Variants in JMJD1C observed in about 807,000 individuals in gnomAD.
JMJD1C encodes jumonji domain containing 1C.
In JMJD1C, 31 loss-of-function variants were observed where a neutral mutation model predicts 245.3. That is an observed-to-expected ratio of 0.13 (90% CI 0.09 to 0.17). The LOEUF (loss-of-function observed/expected upper bound fraction) is 0.17, where lower values mean the gene tolerates loss of function less well. JMJD1C is among the 10% of genes least tolerant of loss of function. The probability of loss-of-function intolerance (pLI) is 1.00; values close to 1 mark genes in which losing one functional copy is unlikely to be tolerated. For missense variants in JMJD1C, 2,691 were observed against 3,000.2 expected, an observed-to-expected ratio of 0.90 and a Z score of 2.41; for synonymous variants, 1,057 against 1,017.4, an observed-to-expected ratio of 1.04 and a Z score of -0.74.
At chr10:63,182,011 G>C (rs1843550243) in intron 22 of JMJD1C, among the ~76,000 whole-genome samples, 1 of 152,178 alleles carries the variant, frequency 6.6e-6, no homozygotes, top group Non-Finnish European at 1.5e-5. Context: ...ATGTAAAAAT[G>C]AGTTTCTACA....
chr10:63,418,655 A>G (rs1273379098), intron 1 of JMJD1C, among the ~76,000 whole-genome samples: 2 of 152,230 alleles, frequency 1.3e-5, no homozygotes, highest in Non-Finnish European at 2.9e-5. Context: ...GAGAAATACT[A>G]AAAATAAATT....
At chr10:63,285,041 A>G (rs1857832271) in intron 2 of JMJD1C, among the ~76,000 whole-genome samples, 1 of 152,208 alleles carries the variant, frequency 6.6e-6, no homozygotes, top group East Asian at 1.9e-4. Context: ...CCACGCAGAC[A>G]TGGAAATAAA....
chr10:63,180,480 G>A (rs76589845), intron 22 of JMJD1C, among the ~76,000 whole-genome samples: 1,793 of 152,322 alleles, frequency 0.012, 19 homozygotes, highest in East Asian at 0.041. Context: ...AGGGTACAGA[G>A]ACAGGTTAAG....
chr10:63,193,543 A>T, intron 14 of JMJD1C, 71 bp from the exon 15 acceptor site: 1 of 1,043,470 alleles, frequency 9.6e-7, no homozygotes, highest in Non-Finnish European at 1.4e-6. Context: ...TTTTTCTTAC[A>T]ATATTTTGTA....
At chr10:63,283,413 C>T (rs1050786360) in intron 2 of JMJD1C, among the ~76,000 whole-genome samples, 1 of 147,932 alleles carries the variant, frequency 6.8e-6, no homozygotes, top group African/African-American at 2.5e-5. Flanking sequence ...GTTACCCAGG[C>T]TGGAGTGCAA....
chr10:63,340,307 CA>C (rs1260144422), intron 2 of JMJD1C, among the ~76,000 whole-genome samples: 4 of 152,360 alleles, frequency 2.6e-5, no homozygotes, highest in Non-Finnish European at 5.9e-5. Context: ...TTACCCCACA[CA>C]TGTGTGCACA....
intron 2 of JMJD1C, among the ~76,000 whole-genome samples, chr10:63,320,273 T>C (rs565473924): frequency 6.6e-6 from 1 of 152,320 alleles, no homozygotes; most frequent in East Asian, 1.9e-4. Context: ...TTTCATATTA[T>C]CTTCCTCTAA....
At chr10:63,348,871 C>G (rs148207615) in intron 2 of JMJD1C, among the ~76,000 whole-genome samples, 251 of 152,044 alleles carry the variant, frequency 1.7e-3, no homozygotes, top group Non-Finnish European at 2.9e-3. Flanking sequence ...GAGGCCAAGG[C>G]GGGTGGATCA....
intron 3 of JMJD1C, among the ~76,000 whole-genome samples, chr10:63,224,107 T>A (rs1479830655): frequency 6.6e-6 from 1 of 152,152 alleles, no homozygotes; most frequent in Non-Finnish European, 1.5e-5. Flanking sequence ...CATTAAACAA[T>A]ATACAAATAT....
At chr10:63,285,465 C>T (rs571011680) in intron 2 of JMJD1C, among the ~76,000 whole-genome samples, 2 of 152,262 alleles carry the variant, frequency 1.3e-5, no homozygotes, top group Non-Finnish European at 2.9e-5. Flanking sequence ...TGCCGCAGAT[C>T]CCAAATCAGA....
chr10:63,355,187 C>T (rs912684360), intron 2 of JMJD1C, among the ~76,000 whole-genome samples: 4 of 151,862 alleles, frequency 2.6e-5, no homozygotes, highest in Admixed American at 2.6e-4. Context: ...GAAATAATCA[C>T]AGATTCATAA....
intron 16 of JMJD1C, 37 bp downstream of exon 16, chr10:63,192,901 T>TCC (rs1253899807): frequency 4.2e-6 from 6 of 1,432,538 alleles, no homozygotes; most frequent in Non-Finnish European, 5.9e-6. Context: ...TATACTATAC[T>TCC]CCTCTCACAC....
chr10:63,216,535 C>T (rs540585992), intron 5 of JMJD1C, among the ~76,000 whole-genome samples: 2 of 151,938 alleles, frequency 1.3e-5, no homozygotes, highest in South Asian at 2.1e-4. Flanking sequence ...ATGGCGAAAC[C>T]CCGTATCTAC....
chr10:63,290,925 T>A (rs1858599594), intron 2 of JMJD1C, among the ~76,000 whole-genome samples: 1 of 152,202 alleles, frequency 6.6e-6, no homozygotes, highest in South Asian at 2.1e-4. Context: ...ATTAAGTATA[T>A]TAGTTGTTTC....
chr10:63,365,187 T>C (rs1403260459), intron 2 of JMJD1C, among the ~76,000 whole-genome samples: 1 of 152,220 alleles, frequency 6.6e-6, no homozygotes, highest in South Asian at 2.1e-4. Flanking sequence ...TCCTCCTCTG[T>C]ATCACTTTTC....
At chr10:63,254,740 G>C (rs925502256) in intron 3 of JMJD1C, among the ~76,000 whole-genome samples, 2 of 151,706 alleles carry the variant, frequency 1.3e-5, no homozygotes, top group African/African-American at 4.8e-5. Flanking sequence ...GGTAGAGATG[G>C]AGTTTTGCCA....
At chr10:63,217,102 C>A in intron 5 of JMJD1C, 105 bp downstream of exon 5, 2 of 1,041,610 alleles carry the variant, frequency 1.9e-6, no homozygotes, top group South Asian at 1.7e-5. Context: ...GACTAAAAAC[C>A]CTAGAGATAA....
chr10:63,280,581 C>T (rs759210263), intron 2 of JMJD1C, among the ~76,000 whole-genome samples: 4 of 151,956 alleles, frequency 2.6e-5, no homozygotes, highest in African/African-American at 4.8e-5. Flanking sequence ...GAAAATTTGT[C>T]AAGTCGTCAC....
At chr10:63,380,764 A>G (rs1947150544) in intron 1 of JMJD1C, among the ~76,000 whole-genome samples, 1 of 152,166 alleles carries the variant, frequency 6.6e-6, no homozygotes, top group South Asian at 2.1e-4. Flanking sequence ...ACTAGCACTT[A>G]CTCCTTCTAT....
Sources: gnomAD v4.1 joint callset for allele counts (sites outside exome capture counted in the v4.1 genomes callset) on GRCh38, gnomAD v4.1.1 for gene constraint, MANE v1.5 for transcripts, NCBI Gene and HGNC (gene_info 2026-07-23, HGNC 2026-07-21) for gene names.